The following JADE1 variants were observed in gnomAD, a reference collection of about 807,000 sequenced individuals.
JADE1 encodes the protein jade family PHD finger 1, also known as protein Jade-1.
JADE1 carries 14 observed loss-of-function variants against 81.8 expected under a neutral mutation model. That is an observed-to-expected ratio of 0.17 (90% CI 0.11 to 0.27). The LOEUF (loss-of-function observed/expected upper bound fraction) is 0.27, where lower values mean the gene tolerates loss of function less well. Among genes scored for constraint, JADE1 ranks in the 10% least tolerant of loss-of-function variants. The pLI, the probability that JADE1 is intolerant of heterozygous loss-of-function variation, is 1.00. For missense variants in JADE1, 690 were observed against 1,047.9 expected, an observed-to-expected ratio of 0.66 and a Z score of 4.71; for synonymous variants, 353 against 391.9, an observed-to-expected ratio of 0.90 and a Z score of 1.17.
At chr4:128,855,850 ACT>A in intron 7 of JADE1, 53 bp downstream of exon 7, 1 of 1,493,680 alleles carries the variant, frequency 6.7e-7, no homozygotes, top group East Asian at 2.4e-5. Flanking sequence ...ACAGAGTTTA[ACT>A]CTGTCGCCCA....
intron 5 of JADE1, among the ~76,000 whole-genome samples, chr4:128,851,228 T>C (rs1003185113): frequency 3.3e-5 from 5 of 152,208 alleles, no homozygotes; most frequent in African/African-American, 1.2e-4. Flanking sequence ...TGTTTCAGTC[T>C]TTTTTGCATT....
intron 2 of JADE1, among the ~76,000 whole-genome samples, chr4:128,841,536 C>T (rs1684356888): frequency 6.6e-6 from 1 of 152,104 alleles, no homozygotes; most frequent in South Asian, 2.1e-4. Context: ...TAATAGTCAT[C>T]AAAGTAGGAA....
chr4:128,844,257 C>T (rs939835910), intron 3 of JADE1, among the ~76,000 whole-genome samples: 2 of 152,140 alleles, frequency 1.3e-5, no homozygotes, highest in South Asian at 2.1e-4. Flanking sequence ...TGGTGTAGTT[C>T]GAAACCTACT....
rs1026415676 is a variant in JADE1, at chr4:128,846,999, A to C, written c.296+467A>C. On this transcript the variant is annotated intron_variant, in intron 4 of 10. Transcript: ENST00000226319. This position sits in a 1 kb window ranked among gnomAD's most constrained non-coding sequence, Gnocchi z 4.0. ...CTGCCTTTGGAGGAGGACAGGTGTTAGGAGACCTGTCAGTTAGGGTTTGTG... is the reference window on the plus strand; with the variant it reads ...CTGCCTTTGGAGGAGGACAGGTGTTCGGAGACCTGTCAGTTAGGGTTTGTG... 2.0e-5 allele frequency among the ~76,000 whole-genome samples: 3 copies of C among 152,210 alleles called. No homozygotes were observed. Among genetic ancestry groups the C allele is most frequent in the Non-Finnish European group, 4.4e-5 (3 of 68,036 alleles).
At chr4:128,824,398 A>G (rs897924042) in intron 1 of JADE1, among the ~76,000 whole-genome samples, 5 of 151,692 alleles carry the variant, frequency 3.3e-5, no homozygotes, top group Non-Finnish European at 7.4e-5. Context: ...AGCCTAGGTG[A>G]CAGAGCGAGA....
chr4:128,846,846 G>A lies in JADE1; in HGVS notation c.296+314G>A, dbSNP rs1242706056. Among the ~76,000 whole-genome samples the A allele has an allele frequency of 6.6e-6, 1 of 152,058 alleles. No homozygotes were observed. Among genetic ancestry groups the A allele is most frequent in the Admixed American group, 6.5e-5 (1 of 15,276 alleles). On this transcript the variant is annotated intron_variant, in intron 4 of 10. Transcript: ENST00000226319. This position sits in a 1 kb window ranked among gnomAD's most constrained non-coding sequence, Gnocchi z 4.0. ...GATGGGCTAGGGGAGGAAAATTTGG[G>A]TGTTCACACGTCTGCATCCTCTTTT...
At chr4:128,841,108 T>C (rs1729399782) in intron 2 of JADE1, among the ~76,000 whole-genome samples, 1 of 152,258 alleles carries the variant, frequency 6.6e-6, no homozygotes, top group Non-Finnish European at 1.5e-5. Context: ...TCTGTAGAGA[T>C]AAGAGCTTCC....
intron 3 of JADE1, among the ~76,000 whole-genome samples, chr4:128,845,528 A>AG (rs1371658823): frequency 2.6e-5 from 4 of 152,128 alleles, no homozygotes; most frequent in Admixed American, 1.3e-4. Context: ...AGATTTTTCT[A>AG]GGCCAGCCCA....
In JADE1 at chr4:128,862,911, TGTGC is replaced by T. The variant is rs797008889; in HGVS notation, c.1503+688_1503+691del. On this transcript the variant is annotated intron_variant, in intron 9 of 10. Coordinates refer to ENST00000226319, the MANE Select transcript of JADE1 (RefSeq NM_199320.4). ...CACTGAGGCTGTGTGTGTGTGTGTG[TGTGC>T]GCGTGCCCGTGTCCATCCATGTCTC... The T allele has an allele frequency of 1.2e-4, 117 of 984,178 alleles. 1 individual carries two copies. In the African/African-American group the frequency reaches 1.8e-3, roughly 15 times the overall value. 61.0% of individuals were successfully genotyped at this position (984,178 alleles called of 1,614,324 possible). A position where few individuals can be genotyped will look rare whatever the true frequency, so the allele number is the denominator to read the frequency against.
Position 128,871,390 on chromosome 4 carries a change from A to G in JADE1, c.1657A>G (p.Asn553Asp), listed in dbSNP as rs1330912147. The G allele has an allele frequency of 3.7e-6, 6 of 1,613,938 alleles. No individual in the cohort carries two copies. The highest frequency in any genetic ancestry group is 5.1e-6 in the Non-Finnish European group (6 of 1,179,836). Residue 553 changes from asparagine (N) to aspartate (D), a missense_variant, in exon 11 of 11, where the codon AAC becomes GAC. Physicochemically the swap from Asn to Asp is conservative, Grantham distance 23. Transcript: ENST00000226319. This position sits in a 1 kb window ranked among gnomAD's most constrained non-coding sequence, Gnocchi z 4.1. ...TTCCTGCTCCTCCTCCTCACTGGAA[A>G]ACATGCTTTTGTTTAACAGTCCTTC... is the stretch of plus-strand genomic sequence containing the variant. Reference protein sequence around the residue: ...PSSCSSSSLENMLLFNSPSVG... With the variant: ...PSSCSSSSLEDMLLFNSPSVG...
At chr4:128,856,960 C>T (rs533373652) in intron 7 of JADE1, among the ~76,000 whole-genome samples, 3 of 152,196 alleles carry the variant, frequency 2.0e-5, no homozygotes, top group Non-Finnish European at 4.4e-5. Flanking sequence ...TTTACTTACC[C>T]TGTTGTTGAC....
chr4:128,864,329 G>A (rs1731618903), intron 9 of JADE1: 4 of 593,098 alleles, frequency 6.7e-6, no homozygotes, highest in Non-Finnish European at 8.5e-6. Context: ...TGTATTTTTA[G>A]TAGAGACGGT....
In JADE1 at chr4:128,872,775, C is replaced by A; in HGVS notation, c.*513C>A. On this transcript the variant is annotated 3_prime_UTR_variant, in exon 11 of 11. Transcript: ENST00000226319. ...TTGTTGCATTATAGCATATAGGCAG[C>A]AGCTCTGAAGCTTCAGTAACACTAA... 2.9e-6 allele frequency: 1 copy of A among 342,600 alleles called. No individual in the cohort carries two copies. Among genetic ancestry groups the A allele is most frequent in the South Asian group, 2.2e-5 (1 of 44,884 alleles). 21.2% of individuals were successfully genotyped at this position (342,600 alleles called of 1,614,324 possible). A position where few individuals can be genotyped will look rare whatever the true frequency, so the allele number is the denominator to read the frequency against.
At chr4:128,837,217 G>C (rs768386824) in intron 2 of JADE1, among the ~76,000 whole-genome samples, 2 of 152,158 alleles carry the variant, frequency 1.3e-5, no homozygotes, top group Non-Finnish European at 2.9e-5. Flanking sequence ...ACCTATCAGA[G>C]CCAGGCTCTG....
intron 1 of JADE1, among the ~76,000 whole-genome samples, chr4:128,818,087 C>T (rs1433800803): frequency 3.3e-5 from 5 of 152,114 alleles, no homozygotes; most frequent in African/African-American, 9.6e-5. Context: ...TTAGAGGTCT[C>T]CTCAATGCCT....
chr4:128,814,522 T>A (rs537384550), intron 1 of JADE1, among the ~76,000 whole-genome samples: 4 of 151,942 alleles, frequency 2.6e-5, no homozygotes, highest in Non-Finnish European at 5.9e-5. Flanking sequence ...ATGTGTGTTT[T>A]AATAAAAATG....
rs567654378 is a variant in JADE1, at chr4:128,855,481, C to T, written c.697-149C>T. 41 of 782,054 alleles carry T rather than the reference C, an allele frequency of 5.2e-5. No individual in the cohort carries two copies. In the Admixed American group the frequency reaches 8.2e-4, roughly 16 times the overall value. 48.4% of individuals were successfully genotyped at this position (782,054 alleles called of 1,614,324 possible). On this transcript the variant is annotated intron_variant, in intron 6 of 10. Transcript: ENST00000226319. ...TGCCGGGCATTTTCCCGAGGGGAGA[C>T]GGTCGTAGCCAGGAAGCTGTGGGAG...
chr4:128,857,761 C>T (rs1655407972), intron 8 of JADE1, among the ~76,000 whole-genome samples: 1 of 152,164 alleles, frequency 6.6e-6, no homozygotes, highest in Non-Finnish European at 1.5e-5. Flanking sequence ...CAACTTCTTT[C>T]CATAGGCCAA....
chr4:128,818,480 T>G (rs7682356), intron 1 of JADE1, among the ~76,000 whole-genome samples: 3,665 of 152,230 alleles, frequency 0.024, 121 homozygotes, highest in African/African-American at 0.075. Context: ...AAGCTTTCGG[T>G]TGCTTGTCCA....
Sources: allele counts gnomAD v4.1 joint callset (sites outside exome capture counted in the v4.1 genomes callset), GRCh38; gene constraint gnomAD v4.1.1; non-coding constraint Gnocchi (gnomAD v3.1); transcripts MANE v1.5; gene names NCBI Gene and HGNC (gene_info 2026-07-23, HGNC 2026-07-21).